The following COG5 variants were observed in gnomAD, a reference collection of about 807,000 sequenced individuals.
COG5 encodes the protein component of oligomeric golgi complex 5.
In COG5, 86 loss-of-function variants were observed where a neutral mutation model predicts 110.4. That is an observed-to-expected ratio of 0.78 (90% CI 0.65 to 0.93). The LOEUF (loss-of-function observed/expected upper bound fraction) is 0.93, where lower values mean the gene tolerates loss of function less well. Among genes scored for constraint, COG5 ranks in the 40% least tolerant of loss-of-function variants. The pLI is 0.00. For missense variants in COG5, 1,077 were observed against 987.0 expected (o/e 1.09, Z -1.22); for synonymous variants, 360 against 334.6 (o/e 1.08, Z -0.83).
rs1306866083 is a variant in COG5, at chr7:107,563,918, G to A, written c.-22C>T. 3 of 1,613,048 alleles carry A rather than the reference G, an allele frequency of 1.9e-6. No homozygotes were observed. Among genetic ancestry groups the A allele is most frequent in the East Asian group, 2.2e-5 (1 of 44,864 alleles). On this transcript the variant is annotated 5_prime_UTR_variant, in exon 1 of 22. Coordinates refer to ENST00000297135, the MANE Select transcript of COG5 (RefSeq NM_006348.5). ...CCATGTTGGCAGGTGCCGGGTTGAT[G>A]TCGTCAGCAGCAGAACGGCTCCGCC...
chr7:107,563,666 G>A (rs1804189177), intron 1 of COG5, 137 bp downstream of exon 1: 1 of 948,744 alleles, frequency 1.1e-6, no homozygotes, highest in Non-Finnish European at 1.7e-6. Flanking sequence ...CCAAGCCAGG[G>A]GGCCGGGCGG....
At chr7:107,427,099 A>G (rs577790312) in intron 6 of COG5, among the ~76,000 whole-genome samples, 87 of 152,312 alleles carry the variant, frequency 5.7e-4, no homozygotes, top group Middle Eastern at 3.4e-3. Context: ...ACAAAAATCA[A>G]TTCCTCTGGT....
chr7:107,531,496 T>G (rs1303640236), intron 5 of COG5, among the ~76,000 whole-genome samples: 1 of 152,114 alleles, frequency 6.6e-6, no homozygotes, highest in Non-Finnish European at 1.5e-5. Flanking sequence ...AAAATAAACT[T>G]TACCTCATTG....
chr7:107,434,703 G>A (rs1415582307), intron 6 of COG5, among the ~76,000 whole-genome samples: 1 of 152,198 alleles, frequency 6.6e-6, no homozygotes, highest in African/African-American at 2.4e-5. Context: ...GGGCGCGGTG[G>A]CTCACGCCTG....
intron 6 of COG5, among the ~76,000 whole-genome samples, chr7:107,431,580 A>G (rs186230719): frequency 6.6e-6 from 1 of 152,324 alleles, no homozygotes; most frequent in Admixed American, 6.5e-5. Flanking sequence ...ATCAAACTCT[A>G]TCATCTTACT....
At chr7:107,394,831 A>T (rs1384424038) in intron 7 of COG5, among the ~76,000 whole-genome samples, 1 of 152,246 alleles carries the variant, frequency 6.6e-6, no homozygotes, top group African/African-American at 2.4e-5. Flanking sequence ...CTCTGAAAGG[A>T]AATCCTTGTA....
intron 10 of COG5, among the ~76,000 whole-genome samples, chr7:107,329,880 A>C (rs538537785): frequency 6.6e-6 from 1 of 152,318 alleles, no homozygotes; most frequent in South Asian, 2.1e-4. Context: ...GGATGACAGA[A>C]TAAGACCCTG....
intron 7 of COG5, among the ~76,000 whole-genome samples, chr7:107,406,584 A>T (rs1017204119): frequency 4.6e-5 from 7 of 152,138 alleles, no homozygotes; most frequent in African/African-American, 1.7e-4. Context: ...ATATTTATTT[A>T]GAAACAACTA....
chr7:107,367,530 A>G (rs1813738007), intron 8 of COG5, among the ~76,000 whole-genome samples: 1 of 152,012 alleles, frequency 6.6e-6, no homozygotes, highest in African/African-American at 2.4e-5. Context: ...AAGTGTTCAC[A>G]AAACAATGAG....
chr7:107,558,931 A>AAAAAAT (rs1803553991), intron 1 of COG5, among the ~76,000 whole-genome samples: 2 of 140,482 alleles, frequency 1.4e-5, no homozygotes, highest in African/African-American at 2.6e-5. Context: ...AAAAAAAAAA[A>AAAAAAT]AAAACCATAA....
rs1805161023 is a variant in COG5 at position 107,281,471 on chromosome 7, A to G, written c.1476-72T>C. 2.7e-6 allele frequency: 3 copies of G among 1,093,998 alleles called. No individual in the cohort carries two copies. In the Admixed American group the frequency reaches 5.2e-5, roughly 19 times the overall value. The allele number at this position is 1,093,998 out of a possible 1,614,324, so 67.8% of individuals were successfully genotyped here. The stretch of plus-strand genomic sequence containing the variant: ...CAACAAAGTAAAGAGCAAGATAAAA[A>G]CTCAAACCCAATAAGCAATGTGGTT... On this transcript the variant is annotated intron_variant, in intron 13 of 21. Transcript: ENST00000297135.
intron 7 of COG5, among the ~76,000 whole-genome samples, chr7:107,383,242 A>T (rs1815285289): frequency 6.6e-6 from 1 of 152,152 alleles, no homozygotes; most frequent in Admixed American, 6.5e-5. Context: ...AATGATAAGG[A>T]GTCCATGCAA....
intron 6 of COG5, among the ~76,000 whole-genome samples, chr7:107,508,428 G>A (rs183447361): frequency 0.046 from 7,025 of 152,326 alleles, 199 homozygotes; most frequent in Middle Eastern, 0.078. Context: ...AGGCCTGCCT[G>A]CCTCTGTAGG....
chr7:107,413,413 T>G (rs1469899220), intron 6 of COG5, among the ~76,000 whole-genome samples: 2 of 151,966 alleles, frequency 1.3e-5, no homozygotes, highest in Non-Finnish European at 2.9e-5. Context: ...AACAACATGC[T>G]AGATTTGCAG....
intron 6 of COG5, among the ~76,000 whole-genome samples, chr7:107,464,771 G>A (rs149500510): frequency 6.6e-6 from 1 of 152,260 alleles, no homozygotes; most frequent in East Asian, 1.9e-4. Context: ...AGCAGTATGA[G>A]CATGATATCA....
At chr7:107,362,135 T>C (rs755457723) in intron 9 of COG5, 25 bp from the exon 10 acceptor site, 2 of 1,558,454 alleles carry the variant, frequency 1.3e-6, no homozygotes, top group Non-Finnish European at 1.8e-6. Flanking sequence ...ATGTAAAGCT[T>C]AGGCAATAGA....
chr7:107,290,342 C>T (rs78553765), intron 12 of COG5, among the ~76,000 whole-genome samples: 24,400 of 152,114 alleles, frequency 0.16, 2,354 homozygotes, highest in Non-Finnish European at 0.22. Flanking sequence ...TGACTAGAGT[C>T]TCTTCTTCCC....
intron 6 of COG5, among the ~76,000 whole-genome samples, chr7:107,440,979 C>T (rs760854085): frequency 2.0e-5 from 3 of 152,014 alleles, no homozygotes; most frequent in Non-Finnish European, 2.9e-5. Context: ...CCAGGCCGGG[C>T]GTGGTGGCTC....
At chr7:107,405,829 T>C (rs932075790) in intron 7 of COG5, among the ~76,000 whole-genome samples, 2 of 152,176 alleles carry the variant, frequency 1.3e-5, no homozygotes, top group Admixed American at 6.5e-5. Context: ...ATGGGATTCA[T>C]GCCCTTATAA....
Sources: gnomAD v4.1 joint callset for allele counts (sites outside exome capture counted in the v4.1 genomes callset) on GRCh38, gnomAD v4.1.1 for gene constraint, MANE v1.5 for transcripts, NCBI Gene and HGNC (gene_info 2026-07-23, HGNC 2026-07-21) for gene names.